TRIO: variants seen among roughly 807,000 people sequenced by gnomAD.
The protein encoded by TRIO is trio Rho guanine nucleotide exchange factor, also known as triple functional domain protein.
TRIO carries 58 observed loss-of-function variants against 351.9 expected under a neutral mutation model. The observed-to-expected ratio is 0.16, with a 90% CI of 0.13 to 0.21. The LOEUF (loss-of-function observed/expected upper bound fraction) is 0.21. Ranked by LOEUF, TRIO falls within the 10% of genes least tolerant of loss-of-function variation. TRIO has a pLI of 1.00. For synonymous variants in TRIO, 1,758 were observed against 1,595.7 expected, an observed-to-expected ratio of 1.10 and a Z score of -2.42; for missense variants, 3,201 against 4,027.8, an observed-to-expected ratio of 0.79 and a Z score of 5.56.
At chr5:14,337,722 T>C (rs1741554942) in intron 11 of TRIO, among the ~76,000 whole-genome samples, 1 of 152,248 alleles carries the variant, frequency 6.6e-6, no homozygotes, top group African/African-American at 2.4e-5. Flanking sequence ...CTCTGAGATC[T>C]TGGACAGTTA....
chr5:14,347,880 A>G (rs1251371518), intron 11 of TRIO, among the ~76,000 whole-genome samples: 1 of 152,208 alleles, frequency 6.6e-6, no homozygotes, highest in Non-Finnish European at 1.5e-5. Context: ...AGATCTCAGC[A>G]CCAAATCAAC....
At chr5:14,393,132 A>G (rs974622531) in intron 27 of TRIO, among the ~76,000 whole-genome samples, 1 of 151,866 alleles carries the variant, frequency 6.6e-6, no homozygotes, top group African/African-American at 2.4e-5. Context: ...TTCTCAGCAA[A>G]CTAACTCAAG....
intron 34 of TRIO, among the ~76,000 whole-genome samples, chr5:14,424,099 G>C (rs562605319): frequency 6.6e-6 from 1 of 152,132 alleles, no homozygotes; most frequent in Admixed American, 6.5e-5. Flanking sequence ...CCTTTTGGTG[G>C]CAAGGGAGGA....
At chr5:14,234,624 T>C (rs149186777) in intron 1 of TRIO, among the ~76,000 whole-genome samples, 7 of 152,360 alleles carry the variant, frequency 4.6e-5, no homozygotes, top group Non-Finnish European at 8.8e-5. Context: ...AATAAAATAG[T>C]GAAAATTGTT....
At chr5:14,350,812 G>A (rs1007785126) in intron 11 of TRIO, among the ~76,000 whole-genome samples, 4 of 152,056 alleles carry the variant, frequency 2.6e-5, no homozygotes, top group South Asian at 2.1e-4. Flanking sequence ...ATATTAAGGC[G>A]GCGGTCCCCA....
chr5:14,455,376 C>G (rs926198692), intron 34 of TRIO, among the ~76,000 whole-genome samples: 1 of 150,156 alleles, frequency 6.7e-6, no homozygotes, highest in African/African-American at 2.5e-5. Context: ...TTACAATCCT[C>G]TAGCTAGACG....
chr5:14,471,945 C>T (rs1039874528), intron 38 of TRIO, among the ~76,000 whole-genome samples: 2 of 151,422 alleles, frequency 1.3e-5, no homozygotes, highest in African/African-American at 2.4e-5. Flanking sequence ...AGCTACGAAA[C>T]GGCAGAGACT....
chr5:14,476,947 C>A lies in TRIO; in HGVS notation c.6137C>A (p.Ser2046Tyr). Residue 2046 changes from serine to tyrosine, a missense_variant, in exon 41 of 57, where the codon TCC (serine) becomes TAC (tyrosine). By Grantham distance (144) the Ser-to-Tyr change is moderately radical. Coordinates refer to ENST00000344204, the MANE Select transcript of TRIO (RefSeq NM_007118.4). ...CTTGAAGATCCAGAAAAACTAGGAT[C>A]CCTTTTTGTTAAACACGTAAGCACA... ...KCLEDPEKLGSLFVKHERRLH... is the reference protein window; with the variant it reads ...KCLEDPEKLGYLFVKHERRLH... 1 of 1,613,892 alleles carries A rather than the reference C, an allele frequency of 6.2e-7. No homozygotes were observed. The highest frequency in any genetic ancestry group is 8.5e-7 in the Non-Finnish European group (1 of 1,179,906).
At chr5:14,435,681 A>G (rs1751525582) in intron 34 of TRIO, among the ~76,000 whole-genome samples, 1 of 152,116 alleles carries the variant, frequency 6.6e-6, no homozygotes, top group African/African-American at 2.4e-5. Flanking sequence ...TACTTATATC[A>G]GTTGGAGTCG....
At position 14,146,576 on chromosome 5, in the gene TRIO, G is replaced by A. The variant is rs373112974; in HGVS notation, c.157+2694G>A. Among the ~76,000 whole-genome samples, 226 of 152,344 alleles carry A rather than the reference G, an allele frequency of 1.5e-3. 6 individuals are homozygous for A. In the South Asian group the frequency reaches 0.045, roughly 30 times the overall value. On this transcript the variant is annotated intron_variant, in intron 1 of 56. Coordinates refer to ENST00000344204, the MANE Select transcript of TRIO (RefSeq NM_007118.4). ...TTTAATAGAACTTTTAAACAATTAA[G>A]GGAAGTTCAGAAATAGAGTGAACAG...
At position 14,346,380 on chromosome 5, in the gene TRIO, T is replaced by C. The variant is rs114835167; in HGVS notation, c.2046+9653T>C. ...TGAAGGCTTTGTAAGGAAAGACTTA[T>C]TTAATCTAAGCACGTTCAAGCCTCT... is the stretch of plus-strand genomic sequence containing the variant. On this transcript the variant is annotated intron_variant, in intron 11 of 56. Coordinates refer to ENST00000344204, the MANE Select transcript of TRIO (RefSeq NM_007118.4). Among the ~76,000 whole-genome samples, 328 of 152,328 alleles carry C rather than the reference T, an allele frequency of 2.2e-3. 3 individuals carry two copies. Among genetic ancestry groups the C allele is most frequent in the African/African-American group, 7.6e-3 (315 of 41,576 alleles).
chr5:14,415,115 C>T (rs1561463591), intron 33 of TRIO, among the ~76,000 whole-genome samples: 1 of 152,214 alleles, frequency 6.6e-6, no homozygotes, highest in Non-Finnish European at 1.5e-5. Context: ...GGGCTGTAGG[C>T]TGTGACGGTT....
intron 25 of TRIO, 34 bp from the exon 26 acceptor site, chr5:14,390,197 C>A (rs747318832): frequency 1.2e-6 from 2 of 1,602,670 alleles, no homozygotes; most frequent in Admixed American, 1.7e-5. Context: ...TTTAAAACAC[C>A]TTTGTAATAT....
intron 1 of TRIO, among the ~76,000 whole-genome samples, chr5:14,255,310 C>T (rs354304): frequency 7.8e-4 from 119 of 152,270 alleles, no homozygotes; most frequent in African/African-American, 2.8e-3. Context: ...GATCCACTGG[C>T]CTTGGGTTCT....
At chr5:14,318,578 C>T (rs370520486) in intron 9 of TRIO, among the ~76,000 whole-genome samples, 2 of 152,082 alleles carry the variant, frequency 1.3e-5, no homozygotes, top group East Asian at 1.9e-4. Context: ...CAGGAATGAT[C>T]ATTTTGTTAT....
chr5:14,226,782 G>A (rs969222242), intron 1 of TRIO, among the ~76,000 whole-genome samples: 4 of 152,336 alleles, frequency 2.6e-5, no homozygotes, highest in East Asian at 3.9e-4. Flanking sequence ...GAGGTGCTGG[G>A]TAGAGTGTTT....
chr5:14,462,392 AC>A (rs1753896680), intron 35 of TRIO, among the ~76,000 whole-genome samples: 1 of 152,230 alleles, frequency 6.6e-6, no homozygotes, highest in Non-Finnish European at 1.5e-5. Flanking sequence ...ATAGCAAGAT[AC>A]CCAAAGTGAA....
chr5:14,358,403 C>G (rs141529018), intron 12 of TRIO, 56 bp downstream of exon 12: 2 of 1,591,336 alleles, frequency 1.3e-6, no homozygotes, highest in African/African-American at 1.3e-5. Context: ...CCTGTGACTC[C>G]CCTTCCCCTT....
At chr5:14,328,917 G>A (rs2152314318) in intron 9 of TRIO, among the ~76,000 whole-genome samples, 1 of 152,130 alleles carries the variant, frequency 6.6e-6, no homozygotes, top group South Asian at 2.1e-4. Context: ...AGTTCTAGAA[G>A]GGTCTGTACA....
Sources: allele counts gnomAD v4.1 joint callset (sites outside exome capture counted in the v4.1 genomes callset), GRCh38; gene constraint gnomAD v4.1.1; transcripts MANE v1.5; gene names NCBI Gene and HGNC (gene_info 2026-07-23, HGNC 2026-07-21).